The following RIPOR2 variants were observed in gnomAD, a reference collection of about 807,000 sequenced individuals.
RIPOR2 encodes the protein RHO family interacting cell polarization regulator 2.
In RIPOR2, 39 loss-of-function variants were observed where a neutral mutation model predicts 114.5. That is an observed-to-expected ratio of 0.34 (90% CI 0.26 to 0.44). The LOEUF (loss-of-function observed/expected upper bound fraction) is 0.44, where lower values mean the gene tolerates loss of function less well. RIPOR2 is among the 20% of genes least tolerant of loss of function. The pLI, the probability that RIPOR2 is intolerant of heterozygous loss-of-function variation, is 1.00. For synonymous variants in RIPOR2, 445 were observed against 484.4 expected (o/e 0.92, Z 1.07); for missense variants, 1,007 against 1,255.1 (o/e 0.80, Z 2.99).
intron 1 of RIPOR2, among the ~76,000 whole-genome samples, chr6:25,030,050 G>A (rs1183845094): frequency 3.3e-5 from 5 of 151,958 alleles, no homozygotes; most frequent in Non-Finnish European, 7.4e-5. Context: ...AGCATGACAG[G>A]ACCGTTACAG....
intron 1 of RIPOR2, among the ~76,000 whole-genome samples, chr6:24,928,578 C>A (rs1463861660): frequency 1.3e-5 from 2 of 152,144 alleles, no homozygotes; most frequent in Non-Finnish European, 2.9e-5. Flanking sequence ...GAGAAGGGAC[C>A]AGCTGCTCTT....
intron 1 of RIPOR2, among the ~76,000 whole-genome samples, chr6:25,022,441 A>G (rs1347988654): frequency 1.3e-5 from 2 of 149,342 alleles, no homozygotes; most frequent in African/African-American, 4.9e-5. Context: ...CATTGTATGG[A>G]TATACCTACA....
chr6:24,878,147 C>T lies in RIPOR2; in HGVS notation c.62-2330G>A, dbSNP rs1001908777. 1.8e-4 allele frequency among the ~76,000 whole-genome samples: 27 copies of T among 152,322 alleles called. 1 individual carries two copies. The highest frequency in any genetic ancestry group is 3.9e-4 in the Admixed American group (6 of 15,296). ...AGAATCAAAGAATAGGAGACCTGAA[C>T]GTACTGACATACTGATTCTTTGAAG... On this transcript the variant is annotated intron_variant, in intron 1 of 21. Coordinates refer to ENST00000643898, the MANE Select transcript of RIPOR2 (RefSeq NM_001286445.3).
intron 1 of RIPOR2, among the ~76,000 whole-genome samples, chr6:24,912,464 C>G (rs534875441): frequency 2.4e-3 from 263 of 110,650 alleles, no homozygotes; most frequent in South Asian, 8.8e-3. Flanking sequence ...CCTTGCCCCC[C>G]CCCTTTTTTT....
At chr6:24,965,688 T>C (rs985753142) in intron 1 of RIPOR2, among the ~76,000 whole-genome samples, 2 of 152,198 alleles carry the variant, frequency 1.3e-5, no homozygotes, top group African/African-American at 4.8e-5. Context: ...AGATCAATGA[T>C]TTTTTTAAAA....
At chr6:24,900,165 A>C (rs1012453576) in intron 1 of RIPOR2, among the ~76,000 whole-genome samples, 14 of 152,226 alleles carry the variant, frequency 9.2e-5, no homozygotes, top group African/African-American at 3.1e-4. Context: ...AACATGCTAC[A>C]AACTGGCAGT....
chr6:24,916,147 T>C (rs1770062684), intron 1 of RIPOR2, among the ~76,000 whole-genome samples: 1 of 152,202 alleles, frequency 6.6e-6, no homozygotes, highest in African/African-American at 2.4e-5. Flanking sequence ...TCCACCTTTT[T>C]CCTCAGGCCA....
chr6:24,907,023 GA>G (rs1395282062), intron 1 of RIPOR2, among the ~76,000 whole-genome samples: 1 of 152,160 alleles, frequency 6.6e-6, no homozygotes, highest in African/African-American at 2.4e-5. Flanking sequence ...TGCTTAAGTT[GA>G]AACAAAAGTG....
intron 1 of RIPOR2, among the ~76,000 whole-genome samples, chr6:24,982,650 T>C (rs1331582204): frequency 6.6e-6 from 1 of 152,248 alleles, no homozygotes; most frequent in Non-Finnish European, 1.5e-5. Context: ...GTGCCTATGC[T>C]TCTCTACATA....
intron 1 of RIPOR2, among the ~76,000 whole-genome samples, chr6:25,034,447 C>A (rs1370906078): frequency 2.0e-5 from 3 of 152,158 alleles, no homozygotes; most frequent in Non-Finnish European, 4.4e-5. Context: ...TCTAGGCTAA[C>A]ATATTTCAAG....
chr6:24,950,673 G>C (rs1772701321), intron 1 of RIPOR2, among the ~76,000 whole-genome samples: 1 of 152,222 alleles, frequency 6.6e-6, no homozygotes, highest in Admixed American at 6.5e-5. Context: ...TGAAGAGCCA[G>C]TGAGTCAAAC....
chr6:24,876,601 C>G (rs1303007677), intron 1 of RIPOR2, among the ~76,000 whole-genome samples: 1 of 152,158 alleles, frequency 6.6e-6, no homozygotes, highest in African/African-American at 2.4e-5. Context: ...TGAACTAGTT[C>G]TCCCTTTCTA....
chr6:24,983,467 AG>A (rs1774387678), intron 1 of RIPOR2, among the ~76,000 whole-genome samples: 1 of 152,086 alleles, frequency 6.6e-6, no homozygotes, highest in African/African-American at 2.4e-5. Context: ...TTAATATTAA[AG>A]CCCTGAGGCC....
intron 12 of RIPOR2, among the ~76,000 whole-genome samples, chr6:24,844,544 C>G (rs1055730480): frequency 8.6e-5 from 13 of 151,618 alleles, no homozygotes; most frequent in Non-Finnish European, 1.9e-4. Context: ...GATCTCAGCT[C>G]ACTGCAACCT....
rs1298260770 is a variant in RIPOR2 at position 24,883,410 on chromosome 6, TG to T, written c.62-7594del. ...GTTGGCTGTAGCTGGGGTGACATGC[TG>T]GCAAAAGTAAAAAAATTCCACAATC... On this transcript the variant is annotated intron_variant, in intron 1 of 21. Coordinates refer to ENST00000643898, the MANE Select transcript of RIPOR2 (RefSeq NM_001286445.3). The surrounding 1 kb of genome is among the most constrained non-coding windows in gnomAD (Gnocchi z 4.1). 6.6e-6 allele frequency among the ~76,000 whole-genome samples: 1 copy of T among 152,172 alleles called. No homozygotes were observed. The highest frequency in any genetic ancestry group is 1.5e-5 in the Non-Finnish European group (1 of 68,030).
chr6:25,023,223 C>T (rs1776417830), intron 1 of RIPOR2: 2 of 666,254 alleles, frequency 3.0e-6, no homozygotes, highest in Non-Finnish European at 5.6e-6. Flanking sequence ...ATTGAGGAGG[C>T]TCCAGCTCCT....
chr6:24,868,537 G>A (rs1764845327), intron 6 of RIPOR2, among the ~76,000 whole-genome samples: 1 of 152,196 alleles, frequency 6.6e-6, no homozygotes, highest in African/African-American at 2.4e-5. Context: ...GTGAACTATG[G>A]GGTTCAGGGC....
At chr6:24,971,021 T>C (rs2113544975) in intron 1 of RIPOR2, among the ~76,000 whole-genome samples, 1 of 152,332 alleles carries the variant, frequency 6.6e-6, no homozygotes, top group Non-Finnish European at 1.5e-5. Context: ...AAATCGTGCC[T>C]GGAACATGGT....
intron 1 of RIPOR2, among the ~76,000 whole-genome samples, chr6:24,973,016 A>G (rs374202124): frequency 3.2e-4 from 48 of 152,228 alleles, no homozygotes; most frequent in African/African-American, 3.9e-4. Context: ...CAGCTCTTTT[A>G]ATTATCTATG....
Sources: gnomAD v4.1 joint callset for allele counts (sites outside exome capture counted in the v4.1 genomes callset) on GRCh38, gnomAD v4.1.1 for gene constraint, Gnocchi (gnomAD v3.1) non-coding constraint, MANE v1.5 for transcripts, NCBI Gene and HGNC (gene_info 2026-07-23, HGNC 2026-07-21) for gene names.